GORASP2: variants seen among roughly 807,000 people sequenced by gnomAD.
GORASP2 encodes golgi reassembly stacking protein 2.
GORASP2 carries 22 observed loss-of-function variants against 45.7 expected under a neutral mutation model. The observed-to-expected ratio is 0.48, with a 90% CI of 0.34 to 0.69. GORASP2 has a LOEUF of 0.69. Among genes scored for constraint, GORASP2 ranks in the 30% least tolerant of loss-of-function variants. The pLI is 0.01. For synonymous variants in GORASP2, 221 were observed against 215.6 expected (o/e 1.02, Z -0.22); for missense variants, 491 against 562.7 (o/e 0.87, Z 1.29).
rs1354529693 is a variant in GORASP2, at chr2:170,959,022, G to A, written c.823+2463G>A. Among the ~76,000 whole-genome samples, 5 of 151,520 alleles carry A rather than the reference G, an allele frequency of 3.3e-5. No homozygotes were observed. The East Asian group carries it at 5.8e-4, about 18-fold the overall frequency. ...GTTGCCCAGGCTGGAGTGCAATGGCGCTATCTCAGCTCACTGCAACCTCCG... is the reference window on the plus strand; with the variant it reads ...GTTGCCCAGGCTGGAGTGCAATGGCACTATCTCAGCTCACTGCAACCTCCG... On this transcript the variant is annotated intron_variant, in intron 7 of 9. Coordinates refer to ENST00000234160, the MANE Select transcript of GORASP2 (RefSeq NM_015530.5).
intron 1 of GORASP2, chr2:170,929,949 C>A (rs954608017): frequency 8.4e-6 from 3 of 358,544 alleles, no homozygotes; most frequent in Non-Finnish European, 1.8e-5. Context: ...GAAGTAGGTT[C>A]GACGGACTTA....
chr2:170,949,830 T>TCC, intron 3 of GORASP2, 88 bp downstream of exon 3: 2 of 1,162,500 alleles, frequency 1.7e-6, no homozygotes, highest in Non-Finnish European at 2.6e-6. Context: ...CTTAATAAGA[T>TCC]TGTAAGGATA....
intron 4 of GORASP2, among the ~76,000 whole-genome samples, chr2:170,950,745 G>A (rs1179690688): frequency 6.6e-6 from 1 of 152,188 alleles, no homozygotes; most frequent in East Asian, 1.9e-4. Context: ...ACTTTGGGAG[G>A]CCGAGATGGG....
intron 1 of GORASP2, among the ~76,000 whole-genome samples, chr2:170,943,845 T>A (rs1022561374): frequency 3.9e-5 from 6 of 152,070 alleles, no homozygotes; most frequent in Non-Finnish European, 8.8e-5. Flanking sequence ...GCTAATTTTT[T>A]AAAAAATTTT....
intron 1 of GORASP2, among the ~76,000 whole-genome samples, chr2:170,943,257 G>C (rs982347982): frequency 1.3e-5 from 2 of 152,132 alleles, no homozygotes; most frequent in Admixed American, 1.3e-4. Context: ...AAAATGGTTT[G>C]TCTCTCTTTC....
At chr2:170,941,627 G>C (rs578127421) in intron 1 of GORASP2, among the ~76,000 whole-genome samples, 55 of 152,234 alleles carry the variant, frequency 3.6e-4, no homozygotes, top group Non-Finnish European at 7.2e-4. Context: ...CATGTGCTAG[G>C]TACTCATTTG....
rs765299956 is a variant in GORASP2, at chr2:170,966,283, G to T, written c.*153G>T. On this transcript the variant is annotated 3_prime_UTR_variant, in exon 10 of 10. Transcript: ENST00000234160. The stretch of plus-strand genomic sequence containing the variant: ...GGAAAACTAAACGAGGACGTGGGTT[G>T]TATCCTGCCAGGTTGAGTGGGGCTC... The T allele has an allele frequency of 2.5e-5, 16 of 648,008 alleles. No homozygotes were observed. Among genetic ancestry groups the T allele is most frequent in the African/African-American group, 5.4e-5 (3 of 55,432 alleles). The allele number at this position is 648,008 out of a possible 1,614,324, so 40.1% of individuals were successfully genotyped here.
rs1043639 is a variant in GORASP2, at chr2:170,966,784, A to G, written c.*654A>G. 6.5e-6 allele frequency: 1 copy of G among 153,480 alleles called. No individual in the cohort carries two copies. Among genetic ancestry groups the G allele is most frequent in the Non-Finnish European group, 1.5e-5 (1 of 68,734 alleles). The allele number at this position is 153,480 out of a possible 1,614,324, so 9.5% of individuals were successfully genotyped here. A position where few individuals can be genotyped will look rare whatever the true frequency, so the allele number is the denominator to read the frequency against. On this transcript the variant is annotated 3_prime_UTR_variant, in exon 10 of 10. Transcript: ENST00000234160. Reference sequence around the variant, plus strand: ...ACTGCTGCTGTTGCTTTCTACATACACCTTATAAAGTGACATTTCAAAAGA... The same window carrying G: ...ACTGCTGCTGTTGCTTTCTACATACGCCTTATAAAGTGACATTTCAAAAGA...
intron 6 of GORASP2, among the ~76,000 whole-genome samples, chr2:170,956,152 A>G (rs538409624): frequency 6.6e-6 from 1 of 152,344 alleles, no homozygotes; most frequent in Admixed American, 6.5e-5. Context: ...AGAGAGTAGA[A>G]TCTCTTCTAG....
intron 9 of GORASP2, among the ~76,000 whole-genome samples, chr2:170,963,584 G>A (rs1156707962): frequency 2.7e-5 from 4 of 150,668 alleles, no homozygotes; most frequent in African/African-American, 7.3e-5. Flanking sequence ...TAGTGGAGGC[G>A]AATGAATTCC....
At chr2:170,930,595 G>A (rs1172863490) in intron 1 of GORASP2, among the ~76,000 whole-genome samples, 1 of 151,972 alleles carries the variant, frequency 6.6e-6, no homozygotes, top group African/African-American at 2.4e-5. Flanking sequence ...CGTGTCTATT[G>A]CCTTTCCATT....
chr2:170,966,249 A>C lies in GORASP2; in HGVS notation c.*119A>C. Reference sequence around the variant, plus strand: ...CGTATCTGTAGGCATCCTGTAAATAATTCCAAGGGGAAAACTAAACGAGGA... The same window carrying C: ...CGTATCTGTAGGCATCCTGTAAATACTTCCAAGGGGAAAACTAAACGAGGA... On this transcript the variant is annotated 3_prime_UTR_variant, in exon 10 of 10. Coordinates refer to ENST00000234160, the MANE Select transcript of GORASP2 (RefSeq NM_015530.5). 1.3e-6 allele frequency: 1 copy of C among 748,078 alleles called. No homozygotes were observed. The highest frequency in any genetic ancestry group is 2.3e-6 in the Non-Finnish European group (1 of 440,320). 46.3% of individuals were successfully genotyped at this position (748,078 alleles called of 1,614,324 possible). A position where few individuals can be genotyped will look rare whatever the true frequency, so the allele number is the denominator to read the frequency against.
intron 5 of GORASP2, 76 bp from the exon 6 acceptor site, chr2:170,954,574 C>A: frequency 8.2e-7 from 1 of 1,225,142 alleles, no homozygotes. Context: ...GGGTTACCCG[C>A]CCCCCCCAAA....
intron 1 of GORASP2, chr2:170,930,072 T>C (rs1358802190): frequency 4.2e-6 from 1 of 235,516 alleles, no homozygotes; most frequent in Admixed American, 5.3e-5. Context: ...TTGCTGAGGG[T>C]GTGGTTTAGA....
At chr2:170,947,636 G>A (rs1704208408) in intron 1 of GORASP2, among the ~76,000 whole-genome samples, 1 of 152,128 alleles carries the variant, frequency 6.6e-6, no homozygotes, top group African/African-American at 2.4e-5. Context: ...ACGTGACTAT[G>A]TGCCTGTATT....
intron 6 of GORASP2, 36 bp downstream of exon 6, chr2:170,954,818 T>G (rs1276825631): frequency 1.3e-6 from 2 of 1,570,732 alleles, no homozygotes; most frequent in African/African-American, 1.4e-5. Context: ...TATCATAAAG[T>G]TTTTACCAAA....
intron 8 of GORASP2, among the ~76,000 whole-genome samples, chr2:170,962,539 C>T (rs1704586903): frequency 6.6e-6 from 1 of 152,168 alleles, no homozygotes; most frequent in Non-Finnish European, 1.5e-5. Context: ...ACAAATCAGC[C>T]TTTTCTCCAA....
intron 1 of GORASP2, among the ~76,000 whole-genome samples, chr2:170,934,096 T>G (rs1421389568): frequency 6.6e-6 from 1 of 152,206 alleles, no homozygotes; most frequent in Non-Finnish European, 1.5e-5. Context: ...CTGCTCTTTT[T>G]AAATGGTGCC....
intron 1 of GORASP2, among the ~76,000 whole-genome samples, chr2:170,930,489 C>G (rs1183189724): frequency 2.0e-5 from 3 of 152,174 alleles, no homozygotes; most frequent in Admixed American, 2.0e-4. Flanking sequence ...ATTTCCTGCC[C>G]TGGGTCCCAT....
Sources: gnomAD v4.1 joint callset for allele counts (sites outside exome capture counted in the v4.1 genomes callset) on GRCh38, gnomAD v4.1.1 for gene constraint, MANE v1.5 for transcripts, NCBI Gene and HGNC (gene_info 2026-07-23, HGNC 2026-07-21) for gene names.